PLXNC1: variants seen among roughly 807,000 people sequenced by gnomAD.
The protein encoded by PLXNC1 is plexin-C1.
Under a neutral mutation model 178.2 loss-of-function variants are expected in PLXNC1, and 75 were observed. The observed-to-expected ratio is 0.42, with a 90% CI of 0.35 to 0.51. The LOEUF (loss-of-function observed/expected upper bound fraction) is 0.51. PLXNC1 is among the 20% of genes least tolerant of loss of function. The pLI is 0.02. For synonymous variants in PLXNC1, 790 were observed against 779.9 expected, an observed-to-expected ratio of 1.01 and a Z score of -0.22; for missense variants, 1,503 against 1,984.4, an observed-to-expected ratio of 0.76 and a Z score of 4.61.
Position 94,149,276 on chromosome 12 carries a change from G to A in PLXNC1, c.305G>A (p.Gly102Glu). 1 of 1,519,038 alleles carries A rather than the reference G, an allele frequency of 6.6e-7. No homozygotes were observed. The highest frequency in any genetic ancestry group is 8.8e-7 in the Non-Finnish European group (1 of 1,142,706). 94.1% of individuals were successfully genotyped at this position (1,519,038 alleles called of 1,614,324 possible). A position where few individuals can be genotyped will look rare whatever the true frequency, so the allele number is the denominator to read the frequency against. Reference sequence around the variant, plus strand: ...GCGCCCCCCGCGCGGCCCCGGCCCGGGAGCAGCTTCAGCAAGCTGCTGCTG... The same window carrying A: ...GCGCCCCCCGCGCGGCCCCGGCCCGAGAGCAGCTTCAGCAAGCTGCTGCTG... ...SLAPPARPRPGSSFSKLLLPY... is the reference protein window; with the variant it reads ...SLAPPARPRPESSFSKLLLPY... Residue 102 changes from glycine (G) to glutamate (E), a missense_variant, in exon 1 of 31, where the codon GGG (glycine) becomes GAG (glutamate). Gly to Glu is a moderately conservative substitution (Grantham distance 98). Around this residue, in one of 4 missense-constraint regions of PLXNC1, gnomAD observed 176 missense variants for 180.7 expected, o/e 0.97. Transcript: ENST00000258526.
intron 28 of PLXNC1, among the ~76,000 whole-genome samples, chr12:94,301,392 T>TA (rs1212092907): frequency 2.0e-5 from 3 of 152,228 alleles, no homozygotes; most frequent in African/African-American, 7.2e-5. Context: ...GAAATTTGCC[T>TA]AAATCAATTC....
chr12:94,277,305 C>T (rs1966037798), intron 21 of PLXNC1: 4 of 152,824 alleles, frequency 2.6e-5, no homozygotes, highest in Admixed American at 2.6e-4. Flanking sequence ...AAAGGCCCCA[C>T]CTCCAAGTAC....
At position 94,305,459 on chromosome 12, in the gene PLXNC1, T is replaced by C; in HGVS notation, c.*174T>C. On this transcript the variant is annotated 3_prime_UTR_variant, in exon 31 of 31. Transcript: ENST00000258526. ...CAGCTTTTAGAAAGCATACCAACCCTTGTGCCTGTGTGTATACCGTGGGAA... is the reference window on the plus strand; with the variant it reads ...CAGCTTTTAGAAAGCATACCAACCCCTGTGCCTGTGTGTATACCGTGGGAA... The C allele has an allele frequency of 1.7e-6, 1 of 577,226 alleles. No individual in the cohort carries two copies. Among genetic ancestry groups the C allele is most frequent in the South Asian group, 2.2e-5 (1 of 45,090 alleles). The allele number at this position is 577,226 out of a possible 1,614,324, so 35.8% of individuals were successfully genotyped here.
rs1481700654 is a variant in PLXNC1 at position 94,260,776 on chromosome 12, C to T, written c.3386C>T (p.Thr1129Met). The change falls in exon 20 of 31, where the codon ACG (threonine) becomes ATG (methionine). Residue 1129 changes from threonine (T) to methionine (M), a missense_variant. Physicochemically the swap from Thr to Met is moderately conservative, Grantham distance 81. Around this residue, in one of 4 missense-constraint regions of PLXNC1, gnomAD observed 639 missense variants for 979.7 expected, o/e 0.65. Coordinates refer to ENST00000258526, the MANE Select transcript of PLXNC1 (RefSeq NM_005761.3). This position sits in a 1 kb window ranked among gnomAD's most constrained non-coding sequence, Gnocchi z 4.4. Reference protein sequence around the residue: ...NMQPKLMLRRTESVVEKLLTN... With the variant: ...NMQPKLMLRRMESVVEKLLTN... ...CAGCCGAAACTCATGCTGAGACGCA[C>T]GGAGTCCGTCGTCGAAAAACTCCTC... 14 of 1,614,172 alleles carry T rather than the reference C, an allele frequency of 8.7e-6. No individual in the cohort carries two copies. The highest frequency in any genetic ancestry group is 1.2e-5 in the Non-Finnish European group (14 of 1,180,024).
chr12:94,251,636 G>T, intron 15 of PLXNC1, 108 bp downstream of exon 15: 1 of 729,320 alleles, frequency 1.4e-6, no homozygotes. Context: ...AGTATAAATG[G>T]GTGAAAGCCC....
intron 10 of PLXNC1, among the ~76,000 whole-genome samples, chr12:94,238,581 A>C (rs1273605469): frequency 1.3e-5 from 2 of 152,188 alleles, no homozygotes; most frequent in East Asian, 1.9e-4. Context: ...GTTTGGGCTA[A>C]TTTGAAGTAA....
At chr12:94,235,540 A>T (rs1028139036) in intron 9 of PLXNC1, among the ~76,000 whole-genome samples, 1 of 152,154 alleles carries the variant, frequency 6.6e-6, no homozygotes, top group African/African-American at 2.4e-5. Context: ...AGGTTTACAT[A>T]AAAAAAGAAA....
intron 10 of PLXNC1, 135 bp from the exon 11 acceptor site, chr12:94,240,350 C>A: frequency 1.5e-6 from 1 of 648,442 alleles, no homozygotes; most frequent in Non-Finnish European, 2.6e-6. Context: ...CCTCATGAGT[C>A]AGTAGTTGCC....
chr12:94,304,543 A>G (rs1968804908), intron 30 of PLXNC1, among the ~76,000 whole-genome samples: 1 of 152,162 alleles, frequency 6.6e-6, no homozygotes, highest in South Asian at 2.1e-4. Flanking sequence ...AAACAGACAC[A>G]TTCATCAGAT....
At position 94,253,211 on chromosome 12, in the gene PLXNC1, G is replaced by GAAAAAAAA. The variant is rs35584186; in HGVS notation, c.2882-1556_2882-1549dup. Among the ~76,000 whole-genome samples, 19 of 42,020 alleles carry GAAAAAAAA rather than the reference G, an allele frequency of 4.5e-4. 4 individuals are homozygous for GAAAAAAAA. The highest frequency in any genetic ancestry group is 9.7e-4 in the East Asian group (1 of 1,032). 27.6% of individuals were successfully genotyped at this position (42,020 alleles called of 152,430 possible). A position where few individuals can be genotyped will look rare whatever the true frequency, so the allele number is the denominator to read the frequency against. On this transcript the variant is annotated intron_variant, in intron 15 of 30. Coordinates refer to ENST00000258526, the MANE Select transcript of PLXNC1 (RefSeq NM_005761.3). Reference sequence around the variant, plus strand: ...GGCCACAGAACAAGACTCCGTCTCAGAAAAAAAAAAAAAAAAAAAAAAAAA... The same window carrying GAAAAAAAA: ...GGCCACAGAACAAGACTCCGTCTCAGAAAAAAAAAAAAAAAAAAAAAAAAAAAAAAAAA...
intron 11 of PLXNC1, among the ~76,000 whole-genome samples, chr12:94,242,328 T>G (rs887985234): frequency 4.3e-5 from 4 of 93,536 alleles, no homozygotes; most frequent in Admixed American, 1.2e-4. Context: ...TTTTTTTTTT[T>G]GTGACAGTCT....
intron 4 of PLXNC1, among the ~76,000 whole-genome samples, chr12:94,201,747 ACTTTTTTTT>A (rs1279093831): frequency 4.1e-5 from 3 of 73,890 alleles, no homozygotes; most frequent in Non-Finnish European, 5.0e-5. Context: ...TCTTCCCACT[ACTTTTTTTT>A]TTTTTTTTTT....
At chr12:94,258,403 C>A (rs1224435919) in intron 17 of PLXNC1, among the ~76,000 whole-genome samples, 1 of 151,924 alleles carries the variant, frequency 6.6e-6, no homozygotes, top group Non-Finnish European at 1.5e-5. Flanking sequence ...AAATTCTCTA[C>A]AGAAGAAATT....
intron 6 of PLXNC1, among the ~76,000 whole-genome samples, chr12:94,222,669 TC>T (rs1358959381): frequency 3.9e-5 from 6 of 152,144 alleles, no homozygotes; most frequent in Non-Finnish European, 7.4e-5. Flanking sequence ...TCATGAATAT[TC>T]ATTTCCTTGT....
chr12:94,271,397 T>G (rs1250967623), intron 21 of PLXNC1, among the ~76,000 whole-genome samples: 1 of 152,234 alleles, frequency 6.6e-6, no homozygotes, highest in Admixed American at 6.5e-5. Context: ...CCTTGATTCA[T>G]CCTGCCAGCC....
intron 5 of PLXNC1, among the ~76,000 whole-genome samples, chr12:94,219,387 T>A (rs1300608721): frequency 6.6e-6 from 1 of 152,218 alleles, no homozygotes; most frequent in Admixed American, 6.5e-5. Context: ...ACCATCTGGA[T>A]AAAGTTGGAC....
At chr12:94,237,048 C>G (rs1202100087) in intron 9 of PLXNC1, among the ~76,000 whole-genome samples, 2 of 152,100 alleles carry the variant, frequency 1.3e-5, no homozygotes, top group African/African-American at 4.8e-5. Context: ...TCTATTGAAA[C>G]TGGGTAGCAA....
At chr12:94,195,372 C>T (rs552511021) in intron 4 of PLXNC1, among the ~76,000 whole-genome samples, 44 of 152,192 alleles carry the variant, frequency 2.9e-4, no homozygotes, top group African/African-American at 1.0e-3. Flanking sequence ...AATTCATGTA[C>T]CTCCCCACTG....
At chr12:94,298,908 T>TG in intron 27 of PLXNC1, 113 bp downstream of exon 27, 1 of 1,047,598 alleles carries the variant, frequency 9.5e-7, no homozygotes, top group Non-Finnish European at 1.4e-6. Flanking sequence ...TCAGAATCTT[T>TG]GGGCTTGGTA....
Sources: gnomAD v4.1 joint callset for allele counts (sites outside exome capture counted in the v4.1 genomes callset) on GRCh38, gnomAD v4.1.1 for gene constraint, gnomAD v4.1.1 regional missense constraint, Gnocchi (gnomAD v3.1) non-coding constraint, MANE v1.5 for transcripts, NCBI Gene and HGNC (gene_info 2026-07-23, HGNC 2026-07-21) for gene names.